The following IGF2BP2 variants were observed in gnomAD, a reference collection of about 807,000 sequenced individuals.
IGF2BP2 encodes insulin like growth factor 2 mRNA binding protein 2, also known as insulin-like growth factor 2 mRNA-binding protein 2.
A neutral mutation model predicts 75.8 loss-of-function variants in IGF2BP2; 17 were observed. The ratio of observed to expected loss-of-function variants is 0.22; its 90% CI spans 0.15 to 0.34. The LOEUF (loss-of-function observed/expected upper bound fraction) is 0.34. Ranked by LOEUF, IGF2BP2 falls within the 10% of genes least tolerant of loss-of-function variation. IGF2BP2 has a pLI of 1.00. For missense variants in IGF2BP2, 516 were observed against 772.4 expected (o/e 0.67, Z 3.93); for synonymous variants, 288 against 295.6 (o/e 0.97, Z 0.26).
At chr3:185,740,495 A>G (rs1729403312) in intron 2 of IGF2BP2, among the ~76,000 whole-genome samples, 1 of 152,150 alleles carries the variant, frequency 6.6e-6, no homozygotes, top group African/African-American at 2.4e-5. Context: ...TATCAGATTT[A>G]CTCACCTCCC....
At chr3:185,822,390 C>T (rs567255481) in intron 2 of IGF2BP2, among the ~76,000 whole-genome samples, 1 of 152,194 alleles carries the variant, frequency 6.6e-6, no homozygotes, top group South Asian at 2.1e-4. Context: ...ATTTAAAGTC[C>T]ACAATAAACT....
At chr3:185,674,813 T>C (rs1030121886) in intron 9 of IGF2BP2, among the ~76,000 whole-genome samples, 3 of 152,016 alleles carry the variant, frequency 2.0e-5, no homozygotes, top group Non-Finnish European at 4.4e-5. Context: ...AATTGTAAAT[T>C]TACTTATATA....
At chr3:185,820,668 T>C (rs1189515398) in intron 2 of IGF2BP2, among the ~76,000 whole-genome samples, 1 of 152,158 alleles carries the variant, frequency 6.6e-6, no homozygotes. Flanking sequence ...GCAAATGGCA[T>C]GCCAATAATT....
At chr3:185,815,910 C>T (rs988009128) in intron 2 of IGF2BP2, among the ~76,000 whole-genome samples, 46 of 152,096 alleles carry the variant, frequency 3.0e-4, no homozygotes, top group African/African-American at 8.7e-4. Flanking sequence ...TAATAAAGAA[C>T]TCAGAACTTT....
chr3:185,717,056 A>T, intron 2 of IGF2BP2: 1 of 302,216 alleles, frequency 3.3e-6, no homozygotes, highest in African/African-American at 2.2e-5. Flanking sequence ...TGGGCCTCTC[A>T]ATTCAGCTCA....
intron 2 of IGF2BP2, among the ~76,000 whole-genome samples, chr3:185,790,567 C>T (rs1434619580): frequency 2.0e-5 from 3 of 152,212 alleles, no homozygotes; most frequent in Non-Finnish European, 4.4e-5. Flanking sequence ...TCACCCTTTA[C>T]TTCGCTGATT....
At chr3:185,691,224 G>C (rs532251035) in intron 5 of IGF2BP2, among the ~76,000 whole-genome samples, 1 of 151,786 alleles carries the variant, frequency 6.6e-6, no homozygotes, top group Non-Finnish European at 1.5e-5. Context: ...TCAGCCTCCC[G>C]AGTAGCTGGG....
chr3:185,757,277 A>G (rs1198439857), intron 2 of IGF2BP2, among the ~76,000 whole-genome samples: 3 of 152,126 alleles, frequency 2.0e-5, no homozygotes, highest in Non-Finnish European at 4.4e-5. Context: ...CTGCATTCTC[A>G]TTCATTCAAA....
chr3:185,816,627 G>A (rs1188901472), intron 2 of IGF2BP2, among the ~76,000 whole-genome samples: 1 of 152,160 alleles, frequency 6.6e-6, no homozygotes, highest in Non-Finnish European at 1.5e-5. Flanking sequence ...TTAATTAACA[G>A]TCATGTGGCC....
At chr3:185,744,416 C>T (rs1729967527) in intron 2 of IGF2BP2, among the ~76,000 whole-genome samples, 1 of 152,102 alleles carries the variant, frequency 6.6e-6, no homozygotes, top group African/African-American at 2.4e-5. Context: ...TATAAATGTT[C>T]ATTGTAGGAA....
At chr3:185,665,059 A>T (rs553715950) in intron 10 of IGF2BP2, among the ~76,000 whole-genome samples, 3 of 151,678 alleles carry the variant, frequency 2.0e-5, no homozygotes, top group Non-Finnish European at 4.4e-5. Context: ...CTGCTACTCA[A>T]GAAGCTGAGG....
intron 7 of IGF2BP2, among the ~76,000 whole-genome samples, chr3:185,686,149 C>G (rs559645891): frequency 6.6e-6 from 1 of 151,950 alleles, no homozygotes; most frequent in Non-Finnish European, 1.5e-5. Flanking sequence ...TTTGGGAGGA[C>G]GAGGTGGGCA....
chr3:185,713,421 T>A (rs773840210), intron 2 of IGF2BP2: 2 of 519,908 alleles, frequency 3.8e-6, no homozygotes, highest in Non-Finnish European at 7.7e-6. Flanking sequence ...GTGGGCGGCT[T>A]GGTTTAATGG....
chr3:185,657,075 T>C (rs1405453641), intron 12 of IGF2BP2, among the ~76,000 whole-genome samples: 7 of 152,154 alleles, frequency 4.6e-5, no homozygotes, highest in Admixed American at 2.6e-4. Context: ...TCTGCTACTA[T>C]TTTTTTCTAA....
chr3:185,664,402 T>C (rs1389102868), intron 10 of IGF2BP2, among the ~76,000 whole-genome samples: 1 of 152,160 alleles, frequency 6.6e-6, no homozygotes, highest in Non-Finnish European at 1.5e-5. Context: ...CATTTAAATA[T>C]ATAAATGGAC....
At chr3:185,808,131 AAAAAG>A (rs747848317) in intron 2 of IGF2BP2, among the ~76,000 whole-genome samples, 4,296 of 120,694 alleles carry the variant, frequency 0.036, 88 homozygotes, top group South Asian at 0.079. Context: ...AAAAAAAAAA[AAAAAG>A]AAAGAAAGAA....
Position 185,645,658 on chromosome 3 carries a change from G to A in IGF2BP2, c.1708-35C>T. The A allele has an allele frequency of 6.5e-7, 1 of 1,537,652 alleles. No individual in the cohort carries two copies. The highest frequency in any genetic ancestry group is 9.0e-7 in the Non-Finnish European group (1 of 1,110,910). On this transcript the variant is annotated intron_variant, in intron 15 of 15. Transcript: ENST00000382199. This position sits in a 1 kb window ranked among gnomAD's most constrained non-coding sequence, Gnocchi z 4.9. ...GGGAGAGAAGGGAGAGGAAGGGACA[G>A]GGGAAAAAAGGAACCCAGTTCTGAG...
intron 9 of IGF2BP2, 72 bp from the exon 10 acceptor site, chr3:185,672,741 C>G: frequency 6.4e-7 from 1 of 1,555,576 alleles, no homozygotes; most frequent in Non-Finnish European, 8.8e-7. Flanking sequence ...GTCAACCTCC[C>G]TCTCTTGTCT....
At chr3:185,814,528 G>A (rs1018029839) in intron 2 of IGF2BP2, among the ~76,000 whole-genome samples, 2 of 151,972 alleles carry the variant, frequency 1.3e-5, no homozygotes, top group East Asian at 1.9e-4. Flanking sequence ...ATCACCACTC[G>A]ATTTTTTGTT....
Sources: gnomAD v4.1 joint callset for allele counts (sites outside exome capture counted in the v4.1 genomes callset) on GRCh38, gnomAD v4.1.1 for gene constraint, Gnocchi (gnomAD v3.1) non-coding constraint, MANE v1.5 for transcripts, NCBI Gene and HGNC (gene_info 2026-07-23, HGNC 2026-07-21) for gene names.